Variants in GP6 observed in about 807,000 individuals in gnomAD.
GP6 encodes glycoprotein VI platelet, also known as platelet glycoprotein VI.
A neutral mutation model predicts 37.3 loss-of-function variants in GP6; 45 were observed. The ratio of observed to expected loss-of-function variants is 1.21; its 90% CI spans 0.95 to 1.55. The LOEUF (loss-of-function observed/expected upper bound fraction) is 1.55, where lower values mean the gene tolerates loss of function less well. Ranked by LOEUF, GP6 falls within the 40% of genes most tolerant of loss-of-function variation. The pLI is 0.00. For synonymous variants in GP6, 340 were observed against 316.4 expected, an observed-to-expected ratio of 1.07 and a Z score of -0.79; for missense variants, 813 against 760.2, an observed-to-expected ratio of 1.07 and a Z score of -0.82.
Position 55,032,692 on chromosome 19 carries a change from A to G in GP6, c.35-154T>C, listed in dbSNP as rs186670833. 377 of 841,298 alleles carry G rather than the reference A, an allele frequency of 4.5e-4. 1 individual carries two copies. Among genetic ancestry groups the G allele is most frequent in the Admixed American group, 8.1e-4 (40 of 49,536 alleles). The allele number at this position is 841,298 out of a possible 1,614,324, so 52.1% of individuals were successfully genotyped here. A position where few individuals can be genotyped will look rare whatever the true frequency, so the allele number is the denominator to read the frequency against. On this transcript the variant is annotated intron_variant, in intron 1 of 7. Coordinates refer to ENST00000310373, the MANE Select transcript of GP6 (RefSeq NM_001083899.2). ...ACAGGAATGTAATTTAAGTGAGAGAAACCGGTCAGAAAAAGCCACATAGTT... is the reference window on the plus strand; with the variant it reads ...ACAGGAATGTAATTTAAGTGAGAGAGACCGGTCAGAAAAAGCCACATAGTT...
intron 7 of GP6, among the ~76,000 whole-genome samples, 189 bp from the exon 8 acceptor site, chr19:55,015,354 C>T (rs1407292242): frequency 1.3e-5 from 2 of 152,224 alleles, no homozygotes; most frequent in African/African-American, 4.8e-5. Flanking sequence ...CTAAGTAGCA[C>T]CTCTCCCTCC....
intron 3 of GP6, among the ~76,000 whole-genome samples, chr19:55,031,907 A>G (rs1215492845): frequency 6.6e-6 from 1 of 152,122 alleles, no homozygotes; most frequent in Admixed American, 6.6e-5. Context: ...CTGGAGGTGG[A>G]GGCTGCAGTG....
intron 1 of GP6, 109 bp from the exon 2 acceptor site, chr19:55,032,647 A>C (rs1317726976): frequency 8.6e-7 from 1 of 1,164,018 alleles, no homozygotes; most frequent in Non-Finnish European, 1.3e-6. Flanking sequence ...CTCTGTCCTA[A>C]TAATTTCTTC....
intron 6 of GP6, among the ~76,000 whole-genome samples, chr19:55,018,440 A>G (rs1287467924): frequency 6.6e-6 from 1 of 152,256 alleles, no homozygotes; most frequent in East Asian, 1.9e-4. Flanking sequence ...TGGCTCCGCC[A>G]TCTTTGAAAT....
rs766068188 is a variant in GP6 at position 55,014,612 on chromosome 19, T to C, written c.1333A>G (p.Thr445Ala). ...CCGTCTGGAGCCCATATTAGAGAGG[T>C]TGAAGAAAGAGGCCAGTATGTGGTC... Residue 445 changes from threonine to alanine, a missense_variant, in exon 8 of 8, where the codon ACC (threonine) becomes GCC (alanine). Coordinates refer to ENST00000310373, the MANE Select transcript of GP6 (RefSeq NM_001083899.2). The C allele has an allele frequency of 5.0e-6, 8 of 1,613,634 alleles. No individual in the cohort carries two copies. The highest frequency in any genetic ancestry group is 1.6e-4 in the Middle Eastern group (1 of 6,084).
chr19:55,024,583 G>A (rs2074234716), intron 5 of GP6, among the ~76,000 whole-genome samples: 1 of 152,174 alleles, frequency 6.6e-6, no homozygotes, highest in Non-Finnish European at 1.5e-5. Flanking sequence ...CCGTAGTCTG[G>A]TACACCGTAT....
intron 5 of GP6, among the ~76,000 whole-genome samples, chr19:55,020,912 C>T (rs2074053251): frequency 6.6e-6 from 1 of 151,652 alleles, no homozygotes; most frequent in Non-Finnish European, 1.5e-5. Context: ...ATTAGCCAGG[C>T]GTTGTGGCAT....
chr19:55,034,290 C>T (rs1023961679), intron 1 of GP6, among the ~76,000 whole-genome samples: 8 of 152,026 alleles, frequency 5.3e-5, no homozygotes, highest in Admixed American at 2.0e-4. Context: ...GGCACGGTGG[C>T]TCATGCCTAT....
chr19:55,015,112 C>G lies in GP6; in HGVS notation c.833G>C (p.Gly278Ala). The change falls in exon 8 of 8, where the codon GGC becomes GCC. Residue 278 changes from glycine to alanine, a missense_variant. By Grantham distance (60) the Gly-to-Ala change is moderately conservative. Coordinates refer to ENST00000310373, the MANE Select transcript of GP6 (RefSeq NM_001083899.2). ...CCCGCCAGGATTATTAGGATCACAG[C>G]CCCGAGGCATATCCGGACCAGGTTG... The G allele has an allele frequency of 6.3e-7, 1 of 1,586,602 alleles. No homozygotes were observed. The highest frequency in any genetic ancestry group is 8.6e-7 in the Non-Finnish European group (1 of 1,166,430).
In GP6 at chr19:55,038,191, C is replaced by T. The variant is rs745991789; in HGVS notation, c.34+12G>A. 77 of 1,585,074 alleles carry T rather than the reference C, an allele frequency of 4.9e-5. No homozygotes were observed. Among genetic ancestry groups the T allele is most frequent in the Non-Finnish European group, 6.3e-5 (73 of 1,162,820 alleles). ...CCTTCAGCATTTCCCAGATCTGACC[C>T]TCAGGACTCACCAAGACAGAAGAGG... On this transcript the variant is annotated intron_variant, in intron 1 of 7. Transcript: ENST00000310373.
Position 55,014,604 on chromosome 19 carries a change from T to G in GP6, c.1341A>C (p.Leu447=), listed in dbSNP as rs774805420. The stretch of plus-strand genomic sequence containing the variant: ...TTAGAGATCCGTCTGGAGCCCATAT[T>G]AGAGAGGTTGAAGAAAGAGGCCAGT... Residue 447 remains leucine, a synonymous_variant, in exon 8 of 8, where the codon CTA becomes CTC. Coordinates refer to ENST00000310373, the MANE Select transcript of GP6 (RefSeq NM_001083899.2). 6.2e-6 allele frequency: 10 copies of G among 1,613,870 alleles called. No homozygotes were observed. Among genetic ancestry groups the G allele is most frequent in the Non-Finnish European group, 5.9e-6 (7 of 1,179,892 alleles).
intron 6 of GP6, among the ~76,000 whole-genome samples, chr19:55,018,050 A>G (rs2073939656): frequency 6.8e-6 from 1 of 147,464 alleles, no homozygotes; most frequent in South Asian, 2.2e-4. Context: ...CCTGGGCGAC[A>G]GAGCAAGACT....
rs200403102 is a variant in GP6 at position 55,032,281 on chromosome 19, C to G, written c.183G>C (p.Lys61Asn). ...GATCCTGGTACCTGCTGGAACTCAG[C>G]TTCTCCAGGCGGTACAGGTCCACGC... Residue 61 changes from lysine to asparagine, a missense_variant, in exon 3 of 8, where the codon AAG becomes AAC. Transcript: ENST00000310373. 4.3e-6 allele frequency: 7 copies of G among 1,614,210 alleles called. No individual in the cohort carries two copies. The highest frequency in any genetic ancestry group is 5.9e-6 in the Non-Finnish European group (7 of 1,180,044).
chr19:55,028,659 ATATTT>A (rs1042588368), intron 3 of GP6, among the ~76,000 whole-genome samples: 2 of 152,242 alleles, frequency 1.3e-5, no homozygotes, highest in African/African-American at 4.8e-5. Context: ...AAAGCTGGAC[ATATTT>A]TAATTTAAAA....
At chr19:55,036,295 G>A (rs1007296052) in intron 1 of GP6, among the ~76,000 whole-genome samples, 4 of 152,018 alleles carry the variant, frequency 2.6e-5, no homozygotes, top group Admixed American at 6.6e-5. Flanking sequence ...TACACATTAG[G>A]TACAAGGTAC....
intron 7 of GP6, among the ~76,000 whole-genome samples, chr19:55,015,461 G>T (rs988895124): frequency 6.6e-6 from 1 of 152,126 alleles, no homozygotes; most frequent in Non-Finnish European, 1.5e-5. Context: ...ATAAGGGGTG[G>T]GGAAGAGATG....
intron 1 of GP6, 65 bp from the exon 2 acceptor site, chr19:55,032,603 C>G (rs145264528): frequency 3.9e-6 from 6 of 1,548,938 alleles, no homozygotes; most frequent in Non-Finnish European, 5.3e-6. Context: ...GCCTGCTGGG[C>G]GCGGTGATAA....
rs1291792706 is a variant in GP6 at position 55,014,842 on chromosome 19, C to A, written c.1103G>T (p.Ser368Ile). ...TAGCCTCTGCCCTCCTGCTTCCACG[C>A]TCCACACACGCCAGTCTTTGAGTCG... Residue 368 changes from serine (S) to isoleucine (I), a missense_variant, in exon 8 of 8, where the codon AGC becomes ATC. Physicochemically the swap from Ser to Ile is moderately radical, Grantham distance 142 (BLOSUM62 -2). Coordinates refer to ENST00000310373, the MANE Select transcript of GP6 (RefSeq NM_001083899.2). 6.2e-7 allele frequency: 1 copy of A among 1,614,088 alleles called. No individual in the cohort carries two copies. The highest frequency in any genetic ancestry group is 8.5e-7 in the Non-Finnish European group (1 of 1,179,998).
intron 6 of GP6, among the ~76,000 whole-genome samples, chr19:55,016,663 T>C (rs919930885): frequency 1.3e-5 from 2 of 151,590 alleles, no homozygotes; most frequent in South Asian, 2.1e-4. Flanking sequence ...CGTGAGCCAC[T>C]GCACCCGGCC....
Sources: allele counts gnomAD v4.1 joint callset (sites outside exome capture counted in the v4.1 genomes callset), GRCh38; gene constraint gnomAD v4.1.1; transcripts MANE v1.5; gene names NCBI Gene and HGNC (gene_info 2026-07-23, HGNC 2026-07-21).